Variants in ACSM5 observed in about 807,000 individuals in gnomAD.
ACSM5 encodes the protein acyl-CoA synthetase medium chain family member 5, also known as acyl-coenzyme A synthetase ACSM5, mitochondrial.
ACSM5 carries 56 observed loss-of-function variants against 71.6 expected under a neutral mutation model. The ratio of observed to expected loss-of-function variants is 0.78; its 90% CI spans 0.63 to 0.98. ACSM5 has a LOEUF of 0.98. ACSM5 is among the 50% of genes least tolerant of loss of function. ACSM5 has a pLI of 0.00. For synonymous variants in ACSM5, 285 were observed against 281.5 expected, an observed-to-expected ratio of 1.01 and a Z score of -0.12; for missense variants, 723 against 726.0, an observed-to-expected ratio of 1.00 and a Z score of 0.05.
rs1327842915 is a variant in ACSM5, at chr16:20,441,029, T to C, written c.*602T>C. 2 of 152,144 alleles carry C rather than the reference T, an allele frequency of 1.3e-5. No individual in the cohort carries two copies. Among genetic ancestry groups the C allele is most frequent in the Non-Finnish European group, 2.9e-5 (2 of 68,076 alleles). The allele number at this position is 152,144 out of a possible 1,614,324, so 9.4% of individuals were successfully genotyped here. A position where few individuals can be genotyped will look rare whatever the true frequency, so the allele number is the denominator to read the frequency against. Reference sequence around the variant, plus strand: ...AAATGATTAACAAAATTGTAGTAGATTAACTCAATTACATATGATGTAGCC... The same window carrying C: ...AAATGATTAACAAAATTGTAGTAGACTAACTCAATTACATATGATGTAGCC... On this transcript the variant is annotated 3_prime_UTR_variant, in exon 14 of 14. Coordinates refer to ENST00000331849, the MANE Select transcript of ACSM5 (RefSeq NM_017888.3).
intron 12 of ACSM5, 63 bp from the exon 13 acceptor site, chr16:20,439,737 C>T: frequency 6.7e-7 from 1 of 1,491,054 alleles, no homozygotes; most frequent in East Asian, 2.4e-5. Context: ...TCAAGCCTCA[C>T]TTAAGGAGAA....
chr16:20,433,559 A>C (rs1967140727), intron 10 of ACSM5, among the ~76,000 whole-genome samples: 1 of 152,224 alleles, frequency 6.6e-6, no homozygotes, highest in South Asian at 2.1e-4. Context: ...TGTGAACAAA[A>C]GCAAAAAAAC....
rs565654967 is a variant in ACSM5, at chr16:20,439,291, G to A, written c.1537-509G>A. Among the ~76,000 whole-genome samples, 4 of 123,594 alleles carry A rather than the reference G, an allele frequency of 3.2e-5. 1 individual carries two copies. Among genetic ancestry groups the A allele is most frequent in the Non-Finnish European group, 6.5e-5 (4 of 62,008 alleles). 81.1% of individuals were successfully genotyped at this position (123,594 alleles called of 152,430 possible). ...AGACCCAAGATGCAGAATGTCCCTC[G>A]GGATGTCTGGAACAGAAGTGGTGCA... On this transcript the variant is annotated intron_variant, in intron 12 of 13. Transcript: ENST00000331849.
chr16:20,420,167 G>T (rs1289029604), intron 4 of ACSM5, among the ~76,000 whole-genome samples: 1 of 152,204 alleles, frequency 6.6e-6, no homozygotes. Context: ...CTGAACCATT[G>T]AGTTATGAAT....
intron 2 of ACSM5, among the ~76,000 whole-genome samples, chr16:20,413,685 G>A (rs915971404): frequency 1.3e-5 from 2 of 152,110 alleles, no homozygotes; most frequent in Admixed American, 6.5e-5. Flanking sequence ...CCTAAGTAAG[G>A]CTGTGTGCTT....
rs1966866770 is a variant in ACSM5 at position 20,419,253 on chromosome 16, T to C, written c.441T>C (p.Thr147=). Residue 147 remains threonine, a synonymous_variant, in exon 4 of 14, where the codon ACT becomes ACC. Coordinates refer to ENST00000331849, the MANE Select transcript of ACSM5 (RefSeq NM_017888.3). ...RTGTVMIPGV[T]QLTEKDLKYR... ...GGACTGTGATGATTCCGGGTGTGACTCAGCTGACAGAGAAGGACCTCAAGT... is the reference window on the plus strand; with the variant it reads ...GGACTGTGATGATTCCGGGTGTGACCCAGCTGACAGAGAAGGACCTCAAGT... 6.2e-7 allele frequency: 1 copy of C among 1,614,026 alleles called. No homozygotes were observed. The highest frequency in any genetic ancestry group is 1.1e-5 in the South Asian group (1 of 91,082).
chr16:20,411,707 T>C lies in ACSM5; in HGVS notation c.204+19T>C, dbSNP rs758501678. On this transcript the variant is annotated intron_variant, in intron 2 of 13. Coordinates refer to ENST00000331849, the MANE Select transcript of ACSM5 (RefSeq NM_017888.3). ...GGAAGAGGTGAAGCCTGTTCTGTCC[T>C]AGAGTCCATCTGGGGCATCTGAGGC... 4 of 1,612,380 alleles carry C rather than the reference T, an allele frequency of 2.5e-6. No individual in the cohort carries two copies. Among genetic ancestry groups the C allele is most frequent in the African/African-American group, 2.7e-5 (2 of 75,018 alleles).
intron 7 of ACSM5, among the ~76,000 whole-genome samples, chr16:20,428,853 G>A (rs12927344): frequency 0.086 from 13,136 of 152,074 alleles, 697 homozygotes; most frequent in East Asian, 0.19. Context: ...TGTACTTGCA[G>A]TCACTGTTCT....
rs775922957 is a variant in ACSM5, at chr16:20,439,834, A to G, written c.1571A>G (p.Tyr524Cys). ...VKAFIVLTPA[Y>C]SSHDPEALTR... ...GCATTTATAGTCCTTACTCCAGCCT[A>G]CTCCTCTCATGACCCAGAGGCACTA... Residue 524 changes from tyrosine (Y) to cysteine (C), a missense_variant, in exon 13 of 14, where the codon TAC (tyrosine) becomes TGC (cysteine). By Grantham distance (194) the Tyr-to-Cys change is radical. Coordinates refer to ENST00000331849, the MANE Select transcript of ACSM5 (RefSeq NM_017888.3). 8 of 1,608,892 alleles carry G rather than the reference A, an allele frequency of 5.0e-6. No homozygotes were observed. Among genetic ancestry groups the G allele is most frequent in the Non-Finnish European group, 6.0e-6 (7 of 1,175,838 alleles).
At chr16:20,415,490 A>T (rs1420319040) in intron 2 of ACSM5, among the ~76,000 whole-genome samples, 1 of 152,194 alleles carries the variant, frequency 6.6e-6, no homozygotes, top group Non-Finnish European at 1.5e-5. Flanking sequence ...ACATGAGAGA[A>T]CCACTAGTTT....
At chr16:20,420,524 C>T (rs1231863817) in intron 4 of ACSM5, among the ~76,000 whole-genome samples, 8 of 152,090 alleles carry the variant, frequency 5.3e-5, no homozygotes, top group African/African-American at 1.2e-4. Context: ...CACTTGAACC[C>T]GGGAGGCAGA....
chr16:20,437,096 C>T lies in ACSM5; in HGVS notation c.1353C>T (p.Tyr451=), dbSNP rs186094956. ...KTAASEQGDF[Y]ITGDRARMDK... is the part of the protein sequence containing the mutation. Reference sequence around the variant, plus strand: ...CTGCATCAGAACAAGGGGACTTTTACATCACAGGGGACCGAGCTCGCATGG... The same window carrying T: ...CTGCATCAGAACAAGGGGACTTTTATATCACAGGGGACCGAGCTCGCATGG... Residue 451 remains tyrosine, a synonymous_variant, in exon 11 of 14, where the codon TAC becomes TAT. Transcript: ENST00000331849. 7.4e-5 allele frequency: 120 copies of T among 1,613,770 alleles called. No individual in the cohort carries two copies. The highest frequency in any genetic ancestry group is 3.3e-4 in the Middle Eastern group (2 of 6,060).
At chr16:20,436,327 G>A (rs552563481) in intron 10 of ACSM5, among the ~76,000 whole-genome samples, 1 of 140,740 alleles carries the variant, frequency 7.1e-6, no homozygotes, top group Admixed American at 7.8e-5. Context: ...AGCCCAGGCT[G>A]CAGTGCAGTG....
chr16:20,421,615 C>CTATATATATATA (rs59443556), intron 5 of ACSM5, among the ~76,000 whole-genome samples: 11 of 105,818 alleles, frequency 1.0e-4, no homozygotes, highest in South Asian at 3.6e-4. Flanking sequence ...TAAATCGTGG[C>CTATATATATATA]TATATATATA....
intron 12 of ACSM5, among the ~76,000 whole-genome samples, chr16:20,437,946 C>T (rs998239065): frequency 1.5e-4 from 10 of 64,864 alleles, no homozygotes; most frequent in Non-Finnish European, 2.9e-4. Context: ...CCCCAGCACC[C>T]CCCCCAGTAG....
intron 10 of ACSM5, among the ~76,000 whole-genome samples, chr16:20,433,107 C>T (rs1314121891): frequency 6.6e-6 from 1 of 152,164 alleles, no homozygotes; most frequent in Non-Finnish European, 1.5e-5. Flanking sequence ...ATCTGCCCGC[C>T]TCGGGCAACT....
chr16:20,428,129 C>T (rs896854851), intron 7 of ACSM5, among the ~76,000 whole-genome samples: 1 of 152,184 alleles, frequency 6.6e-6, no homozygotes, highest in Non-Finnish European at 1.5e-5. Context: ...CCAGATGGAA[C>T]TAAATAGATT....
intron 5 of ACSM5, among the ~76,000 whole-genome samples, 180 bp from the exon 6 acceptor site, chr16:20,423,736 G>A (rs1369502605): frequency 2.0e-5 from 3 of 152,178 alleles, no homozygotes; most frequent in African/African-American, 7.2e-5. Context: ...TTAGCCTAGG[G>A]CATAGGTACA....
chr16:20,418,429 G>A (rs1328925306), intron 3 of ACSM5, among the ~76,000 whole-genome samples, 160 bp downstream of exon 3: 2 of 152,154 alleles, frequency 1.3e-5, no homozygotes, highest in African/African-American at 2.4e-5. Flanking sequence ...TGTATAGTAG[G>A]GGCCAGACAA....
Sources: allele counts gnomAD v4.1 joint callset (sites outside exome capture counted in the v4.1 genomes callset), GRCh38; gene constraint gnomAD v4.1.1; transcripts MANE v1.5; gene names NCBI Gene and HGNC (gene_info 2026-07-23, HGNC 2026-07-21).